The following EIF3H variants were observed in gnomAD, a reference collection of about 807,000 sequenced individuals.
EIF3H encodes the protein eukaryotic translation initiation factor 3 subunit H.
In EIF3H, 26 loss-of-function variants were observed where a neutral mutation model predicts 44.2. The observed-to-expected ratio is 0.59, with a 90% confidence interval of 0.43 to 0.82. EIF3H has a LOEUF of 0.82. EIF3H is among the 40% of genes least tolerant of loss of function. The pLI is 0.00. For synonymous variants in EIF3H, 166 were observed against 151.9 expected, an observed-to-expected ratio of 1.09 and a Z score of -0.68; for missense variants, 359 against 432.8, an observed-to-expected ratio of 0.83 and a Z score of 1.51.
chr8:116,712,373 T>C (rs1814588035), intron 2 of EIF3H, among the ~76,000 whole-genome samples: 1 of 152,184 alleles, frequency 6.6e-6, no homozygotes, highest in African/African-American at 2.4e-5. Flanking sequence ...AAGGGCTGTC[T>C]ATCAAAAGAC....
At chr8:116,740,176 AAC>A (rs1358647063) in intron 1 of EIF3H, among the ~76,000 whole-genome samples, 1 of 152,198 alleles carries the variant, frequency 6.6e-6, no homozygotes, top group Non-Finnish European at 1.5e-5. Flanking sequence ...TAAGCACGTA[AAC>A]AGTTATTTCC....
At chr8:116,652,312 C>G (rs1813407656) in intron 5 of EIF3H, among the ~76,000 whole-genome samples, 1 of 152,158 alleles carries the variant, frequency 6.6e-6, no homozygotes, top group South Asian at 2.1e-4. Context: ...TGGAACACCA[C>G]AAACTGTTGA....
At chr8:116,748,657 T>G (rs751436526) in intron 1 of EIF3H, among the ~76,000 whole-genome samples, 2 of 152,202 alleles carry the variant, frequency 1.3e-5, no homozygotes, top group Non-Finnish European at 2.9e-5. Context: ...AAACCTGACA[T>G]GGGTGCCACT....
intron 2 of EIF3H, among the ~76,000 whole-genome samples, chr8:116,691,627 C>A (rs1814175782): frequency 6.6e-6 from 1 of 151,942 alleles, no homozygotes; most frequent in South Asian, 2.1e-4. Context: ...GTAATCCCAG[C>A]ACTTTAGAAG....
intron 1 of EIF3H, among the ~76,000 whole-genome samples, chr8:116,750,093 A>G (rs1458289048): frequency 2.0e-5 from 3 of 152,292 alleles, no homozygotes; most frequent in African/African-American, 7.2e-5. Flanking sequence ...TTGCTCACCT[A>G]TATAATATCT....
chr8:116,683,953 T>A (rs1814033226), intron 2 of EIF3H, among the ~76,000 whole-genome samples: 1 of 152,218 alleles, frequency 6.6e-6, no homozygotes, highest in Non-Finnish European at 1.5e-5. Context: ...TAGCATGTAT[T>A]CATGTTAATC....
chr8:116,699,664 G>C (rs1245902357), intron 2 of EIF3H, among the ~76,000 whole-genome samples: 1 of 151,992 alleles, frequency 6.6e-6, no homozygotes, highest in Non-Finnish European at 1.5e-5. Flanking sequence ...ATACTCACGT[G>C]GCAAATCTGT....
chr8:116,654,054 ATCTT>A (rs750219434), intron 5 of EIF3H, among the ~76,000 whole-genome samples: 29 of 152,236 alleles, frequency 1.9e-4, no homozygotes, highest in South Asian at 4.1e-4. Context: ...TACAAAACTT[ATCTT>A]TCTGTCTTTT....
intron 1 of EIF3H, among the ~76,000 whole-genome samples, chr8:116,741,000 T>C (rs962877217): frequency 5.5e-4 from 84 of 152,234 alleles, no homozygotes; most frequent in African/African-American, 1.9e-3. Flanking sequence ...CAGTAAATGT[T>C]AGCTACTATT....
chr8:116,745,967 C>A (rs932308911), intron 1 of EIF3H, among the ~76,000 whole-genome samples: 5 of 151,940 alleles, frequency 3.3e-5, no homozygotes, highest in Non-Finnish European at 4.4e-5. Flanking sequence ...AGAATTACCA[C>A]CCAATGCAGG....
chr8:116,685,700 A>G (rs184353690), intron 2 of EIF3H, among the ~76,000 whole-genome samples: 106 of 152,308 alleles, frequency 7.0e-4, no homozygotes, highest in Admixed American at 1.5e-3. Context: ...TTAACTCAAA[A>G]GGCACACAAT....
At chr8:116,764,311 C>T (rs1397697905) in intron 1 of EIF3H, among the ~76,000 whole-genome samples, 1 of 152,056 alleles carries the variant, frequency 6.6e-6, no homozygotes, top group Admixed American at 6.5e-5. Context: ...AATTTATATC[C>T]AAATGGTTCA....
At chr8:116,679,579 G>A (rs1277412645) in intron 2 of EIF3H, among the ~76,000 whole-genome samples, 1 of 24,974 alleles carries the variant, frequency 4.0e-5, no homozygotes, top group African/African-American at 1.1e-4. Flanking sequence ...CATCCGGGAG[G>A]AAGGTGGGGG....
At chr8:116,674,321 T>TG (rs1410781105) in intron 2 of EIF3H, among the ~76,000 whole-genome samples, 3,248 of 14,282 alleles carry the variant, frequency 0.23, 141 homozygotes, top group East Asian at 0.39. Context: ...GGGGTGGAGG[T>TG]GGGGGGGGGT....
exon 1 of EIF3H, chr8:116,766,051 T>A (rs1815569054): frequency 6.6e-6 from 1 of 152,250 alleles, no homozygotes; most frequent in Admixed American, 6.5e-5. Flanking sequence ...GCTTAATTTC[T>A]TTATGGGAAA....
chr8:116,751,780 G>A (rs1393807837), intron 1 of EIF3H, among the ~76,000 whole-genome samples: 1 of 152,124 alleles, frequency 6.6e-6, no homozygotes, highest in Non-Finnish European at 1.5e-5. Context: ...AGCTTAAATG[G>A]TGACTTATTC....
chr8:116,718,606 A>T (rs533595604), intron 2 of EIF3H, among the ~76,000 whole-genome samples: 2 of 152,206 alleles, frequency 1.3e-5, no homozygotes, highest in Non-Finnish European at 2.9e-5. Context: ...CATTATTCTA[A>T]GTGAAGTAAC....
intron 2 of EIF3H, among the ~76,000 whole-genome samples, chr8:116,706,596 A>G (rs1814473566): frequency 6.6e-6 from 1 of 152,248 alleles, no homozygotes; most frequent in African/African-American, 2.4e-5. Flanking sequence ...GTGCAGTGGC[A>G]CCATCTCAGC....
intron 2 of EIF3H, among the ~76,000 whole-genome samples, chr8:116,663,529 A>G (rs1813615220): frequency 6.6e-6 from 1 of 152,200 alleles, no homozygotes; most frequent in Non-Finnish European, 1.5e-5. Context: ...TAAAATTCAT[A>G]ATGTTTAAGA....
Sources: allele counts gnomAD v4.1 joint callset (sites outside exome capture counted in the v4.1 genomes callset), GRCh38; gene constraint gnomAD v4.1.1; transcripts MANE v1.5; gene names NCBI Gene and HGNC (gene_info 2026-07-23, HGNC 2026-07-21).